ZNF462: variants seen among roughly 807,000 people sequenced by gnomAD.
The protein encoded by ZNF462 is zinc finger PBX1-interacting protein.
Under a neutral mutation model 201.9 loss-of-function variants are expected in ZNF462, and 10 were observed. The observed-to-expected ratio is 0.05, with a 90% confidence interval of 0.03 to 0.08. The LOEUF is 0.08. Among genes scored for constraint, ZNF462 ranks in the 10% least tolerant of loss-of-function variants. ZNF462 has a pLI of 1.00. For synonymous variants in ZNF462, 1,227 were observed against 1,193.3 expected (o/e 1.03, Z -0.58); for missense variants, 2,523 against 3,168.3 (o/e 0.80, Z 4.89).
intron 1 of ZNF462, among the ~76,000 whole-genome samples, chr9:106,904,730 A>G (rs1040659942): frequency 2.0e-5 from 3 of 152,104 alleles, no homozygotes; most frequent in African/African-American, 4.8e-5. Context: ...AGCATTTTGC[A>G]TTTCTAAAAG....
rs752913089 is a variant in ZNF462 at position 106,926,617 on chromosome 9, A to G, written c.2705A>G (p.Gln902Arg). The change falls in exon 3 of 13, where the codon CAG (glutamine) becomes CGG (arginine). Residue 902 changes from glutamine (Q) to arginine (R), a missense_variant. By Grantham distance (43) the Gln-to-Arg change is conservative. This residue lies in a region of ZNF462 where 280 missense variants were observed against 321.3 expected (regional missense o/e 0.87). Coordinates refer to ENST00000277225, the MANE Select transcript of ZNF462 (RefSeq NM_021224.6). The surrounding 1 kb of genome is among the most constrained non-coding windows in gnomAD (Gnocchi z 7.9). ...GATTACACCAACTTCGAAGATCTCC[A>G]GCAGCATTATGGCGAGCACCACCCA... ...YIDYTNFEDLQQHYGEHHPEA... is the reference protein window; with the variant it reads ...YIDYTNFEDLRQHYGEHHPEA... 1 of 1,614,162 alleles carries G rather than the reference A, an allele frequency of 6.2e-7. No homozygotes were observed.
intron 1 of ZNF462, among the ~76,000 whole-genome samples, chr9:106,867,311 C>T (rs1827378437): frequency 6.6e-6 from 1 of 152,076 alleles, no homozygotes; most frequent in African/African-American, 2.4e-5. Flanking sequence ...AATGTCAAAG[C>T]TCAAAGATCA....
chr9:106,899,691 T>G (rs993218572), intron 1 of ZNF462, among the ~76,000 whole-genome samples: 1 of 152,130 alleles, frequency 6.6e-6, no homozygotes, highest in African/African-American at 2.4e-5. Context: ...TTAAGATTGT[T>G]CCAGAGTTGA....
rs1829938574 is a variant in ZNF462 at position 107,011,843 on chromosome 9, G to C, written c.*813G>C. The C allele has an allele frequency of 6.6e-6, 1 of 152,028 alleles. No homozygotes were observed. Among genetic ancestry groups the C allele is most frequent in the Non-Finnish European group, 1.5e-5 (1 of 68,004 alleles). 9.4% of individuals were successfully genotyped at this position (152,028 alleles called of 1,614,324 possible). A position where few individuals can be genotyped will look rare whatever the true frequency, so the allele number is the denominator to read the frequency against. The stretch of plus-strand genomic sequence containing the variant: ...TGTCATCCTTTATTCCAGGTAAGCT[G>C]TTTATTAGTGTTCAACTATAATTTA... On this transcript the variant is annotated 3_prime_UTR_variant, in exon 13 of 13. Coordinates refer to ENST00000277225, the MANE Select transcript of ZNF462 (RefSeq NM_021224.6). The surrounding 1 kb of genome is among the most constrained non-coding windows in gnomAD (Gnocchi z 5.6).
chr9:107,012,536 G>A lies in ZNF462; in HGVS notation c.*1506G>A, dbSNP rs1829979488. The stretch of plus-strand genomic sequence containing the variant: ...AGGGAGCAGCTTAGACTAAATCTAA[G>A]CCTACATTTATAATATGTTCTGATT... On this transcript the variant is annotated 3_prime_UTR_variant, in exon 13 of 13. Transcript: ENST00000277225. 7.0e-6 allele frequency: 1 copy of A among 142,392 alleles called. No individual in the cohort carries two copies. The highest frequency in any genetic ancestry group is 2.6e-5 in the African/African-American group (1 of 38,090). 8.8% of individuals were successfully genotyped at this position (142,392 alleles called of 1,614,324 possible).
At chr9:106,908,291 T>C (rs564185684) in intron 1 of ZNF462, among the ~76,000 whole-genome samples, 11 of 152,294 alleles carry the variant, frequency 7.2e-5, no homozygotes, top group African/African-American at 2.6e-4. Context: ...TAAGTGCTTA[T>C]GCCTATTTCT....
chr9:107,002,013 GAGGC>G (rs1420255979), intron 10 of ZNF462, among the ~76,000 whole-genome samples: 1 of 152,130 alleles, frequency 6.6e-6, no homozygotes, highest in African/African-American at 2.4e-5. Flanking sequence ...CTGGTACGCT[GAGGC>G]TCTTTACATT....
chr9:106,928,128 A>T lies in ZNF462; in HGVS notation c.4216A>T (p.Ile1406Phe). 6.2e-7 allele frequency: 1 copy of T among 1,614,204 alleles called. No homozygotes were observed. The highest frequency in any genetic ancestry group is 8.5e-7 in the Non-Finnish European group (1 of 1,180,034). Residue 1406 changes from isoleucine to phenylalanine, a missense_variant, in exon 3 of 13, where the codon ATC (isoleucine) becomes TTC (phenylalanine). Around this residue, in one of 15 missense-constraint regions of ZNF462, gnomAD observed 165 missense variants for 142.6 expected, o/e 1.16. Transcript: ENST00000277225. The surrounding 1 kb of genome is among the most constrained non-coding windows in gnomAD (Gnocchi z 9.3). ...MNGDESVLLDIIKEKDAVEKP... is the reference protein window; with the variant it reads ...MNGDESVLLDFIKEKDAVEKP... ...TGGTGATGAGTCAGTGCTACTGGACATCATCAAGGAGAAAGATGCTGTGGA... is the reference window on the plus strand; with the variant it reads ...TGGTGATGAGTCAGTGCTACTGGACTTCATCAAGGAGAAAGATGCTGTGGA...
At chr9:106,934,604 C>G (rs1215709245) in intron 5 of ZNF462, among the ~76,000 whole-genome samples, 1 of 152,016 alleles carries the variant, frequency 6.6e-6, no homozygotes, top group Non-Finnish European at 1.5e-5. Context: ...TAAAGGACAC[C>G]CAGAGGGAGC....
intron 1 of ZNF462, among the ~76,000 whole-genome samples, chr9:106,896,506 G>GGC (rs1828820160): frequency 6.6e-6 from 1 of 152,108 alleles, no homozygotes; most frequent in Admixed American, 6.5e-5. Context: ...AGGTGGTCAT[G>GGC]GCTAGTAGTC....
In ZNF462 at chr9:107,003,627, A is replaced by C. The variant is rs553249068; in HGVS notation, c.7189+201A>C. On this transcript the variant is annotated intron_variant, in intron 11 of 12. Transcript: ENST00000277225. The surrounding 1 kb of genome is among the most constrained non-coding windows in gnomAD (Gnocchi z 4.4). ...CAGCTATAGAAACGCCAAGGAAAAC[A>C]GACATTTTCTCCCTAATTATAGATA... Among the ~76,000 whole-genome samples, 1 of 152,298 alleles carries C rather than the reference A, an allele frequency of 6.6e-6. No individual in the cohort carries two copies. The highest frequency in any genetic ancestry group is 1.9e-4 in the East Asian group (1 of 5,180).
Position 106,938,966 on chromosome 9 carries a change from A to T in ZNF462, c.6286A>T (p.Ser2096Cys), listed in dbSNP as rs1424072855. 9 of 1,613,528 alleles carry T rather than the reference A, an allele frequency of 5.6e-6. No individual in the cohort carries two copies. The highest frequency in any genetic ancestry group is 1.3e-5 in the African/African-American group (1 of 74,870). Residue 2096 changes from serine (S) to cysteine (C), a missense_variant, in exon 7 of 13, where the codon AGC (serine) becomes TGC (cysteine). Physicochemically the swap from Ser to Cys is moderately radical, Grantham distance 112. Around this residue, in one of 15 missense-constraint regions of ZNF462, gnomAD observed 138 missense variants for 146.3 expected, o/e 0.94. Transcript: ENST00000277225. This position sits in a 1 kb window ranked among gnomAD's most constrained non-coding sequence, Gnocchi z 4.4. ...SWCSFSTMTI[S>C]QLKEHSLKVH... ...GTGCTCATTCTCCACCATGACAATCAGCCAGCTGAAGGAACACTCCCTCAA... is the reference window on the plus strand; with the variant it reads ...GTGCTCATTCTCCACCATGACAATCTGCCAGCTGAAGGAACACTCCCTCAA...
chr9:106,978,001 G>A lies in ZNF462; in HGVS notation c.6832+3728G>A, dbSNP rs751421027. The stretch of plus-strand genomic sequence containing the variant: ...CTGACAGCTCCCAGCGTTCCTTGAC[G>A]CTACTTGGCTTATAGCTGCATCACT... On this transcript the variant is annotated intron_variant, in intron 9 of 12. Coordinates refer to ENST00000277225, the MANE Select transcript of ZNF462 (RefSeq NM_021224.6). This position sits in a 1 kb window ranked among gnomAD's most constrained non-coding sequence, Gnocchi z 4.1. Among the ~76,000 whole-genome samples, 3 of 151,436 alleles carry A rather than the reference G, an allele frequency of 2.0e-5. No homozygotes were observed. The highest frequency in any genetic ancestry group is 6.6e-5 in the Admixed American group (1 of 15,258).
In ZNF462 at chr9:106,935,973, A is replaced by C. The variant is rs1159883789; in HGVS notation, c.6235+352A>C. 6.6e-6 allele frequency among the ~76,000 whole-genome samples: 1 copy of C among 152,212 alleles called. No individual in the cohort carries two copies. Among genetic ancestry groups the C allele is most frequent in the Non-Finnish European group, 1.5e-5 (1 of 68,042 alleles). On this transcript the variant is annotated intron_variant, in intron 6 of 12. Coordinates refer to ENST00000277225, the MANE Select transcript of ZNF462 (RefSeq NM_021224.6). The surrounding 1 kb of genome is among the most constrained non-coding windows in gnomAD (Gnocchi z 4.1). ...AAGAATTGTTATATCTATTAAAAAG[A>C]CTTTCCAGCTAAAATAAAGTTACCA... is the stretch of plus-strand genomic sequence containing the variant.
At chr9:106,875,950 A>C (rs918425578) in intron 1 of ZNF462, among the ~76,000 whole-genome samples, 9 of 152,230 alleles carry the variant, frequency 5.9e-5, no homozygotes, top group African/African-American at 2.2e-4. Flanking sequence ...ATCTCTATAC[A>C]TAGAGAAAGA....
chr9:107,007,843 T>G (rs918075213), intron 11 of ZNF462, among the ~76,000 whole-genome samples: 3 of 152,132 alleles, frequency 2.0e-5, no homozygotes, highest in Non-Finnish European at 4.4e-5. Context: ...ACTTAGTATG[T>G]GCCATTGGAA....
At chr9:106,861,784 C>A (rs1054261634), upstream of ZNF462, among the ~76,000 whole-genome samples, 3 of 152,096 alleles carry the variant, frequency 2.0e-5, no homozygotes, top group African/African-American at 7.2e-5. Flanking sequence ...AGAGATAGTT[C>A]AGAATGATAC....
Position 107,009,891 on chromosome 9 carries a change from G to A in ZNF462, c.7313+223G>A, listed in dbSNP as rs1306724255. Among the ~76,000 whole-genome samples, 2 of 152,250 alleles carry A rather than the reference G, an allele frequency of 1.3e-5. No individual in the cohort carries two copies. Among genetic ancestry groups the A allele is most frequent in the East Asian group, 3.9e-4 (2 of 5,174 alleles). ...AAATAGGGAAAAAAATCGTCTTTAT[G>A]AATGATCAGTCCTGCTCAAGCCTGT... On this transcript the variant is annotated intron_variant, in intron 12 of 12. Coordinates refer to ENST00000277225, the MANE Select transcript of ZNF462 (RefSeq NM_021224.6). The surrounding 1 kb of genome is among the most constrained non-coding windows in gnomAD (Gnocchi z 6.1).
intron 1 of ZNF462, among the ~76,000 whole-genome samples, chr9:106,888,675 C>T (rs1470782035): frequency 6.6e-6 from 1 of 152,208 alleles, no homozygotes; most frequent in Non-Finnish European, 1.5e-5. Context: ...ACATCTGTCA[C>T]TCTTCCCACC....
Sources: allele counts gnomAD v4.1 joint callset (sites outside exome capture counted in the v4.1 genomes callset), GRCh38; gene constraint gnomAD v4.1.1; regional missense constraint gnomAD v4.1.1; non-coding constraint Gnocchi (gnomAD v3.1); transcripts MANE v1.5; gene names NCBI Gene and HGNC (gene_info 2026-07-23, HGNC 2026-07-21).